The following GRID2 variants were observed in gnomAD, a reference collection of about 807,000 sequenced individuals.
The protein encoded by GRID2 is glutamate ionotropic receptor delta type subunit 2.
A neutral mutation model predicts 114.8 loss-of-function variants in GRID2; 33 were observed. The observed-to-expected ratio is 0.29, with a 90% CI of 0.22 to 0.38. The LOEUF is 0.38. Ranked by LOEUF, GRID2 falls within the 10% of genes least tolerant of loss-of-function variation. The pLI, the probability that GRID2 is intolerant of heterozygous loss-of-function variation, is 1.00. For missense variants in GRID2, 1,184 were observed against 1,257.7 expected, an observed-to-expected ratio of 0.94 and a Z score of 0.89; for synonymous variants, 505 against 449.9, an observed-to-expected ratio of 1.12 and a Z score of -1.55.
chr4:93,259,011 G>T, intron 8 of GRID2: 1 of 413,724 alleles, frequency 2.4e-6, no homozygotes, highest in South Asian at 1.8e-5. Flanking sequence ...TCAGGAAAAT[G>T]AGTCTTCACA....
At chr4:93,766,091 G>T (rs1371360) in intron 14 of GRID2, among the ~76,000 whole-genome samples, 131,082 of 152,136 alleles carry the variant, frequency 0.86, 56,534 homozygotes, top group East Asian at 0.96. Flanking sequence ...TGCTCTGTAG[G>T]AGGCAATATG....
chr4:93,576,775 A>C (rs17355116), intron 13 of GRID2, among the ~76,000 whole-genome samples: 1 of 151,838 alleles, frequency 6.6e-6, no homozygotes. Flanking sequence ...TATGCTTTCC[A>C]GAAGAAAAGG....
intron 2 of GRID2, among the ~76,000 whole-genome samples, chr4:92,824,142 G>T (rs909436517): frequency 3.3e-5 from 5 of 152,244 alleles, no homozygotes; most frequent in African/African-American, 1.2e-4. Context: ...TTAGGAGTTT[G>T]ACCTGTAGGC....
In GRID2 at chr4:92,933,085, T is replaced by C. The variant is rs979013205; in HGVS notation, c.245-151910T>C. Reference sequence around the variant, plus strand: ...ACCTCTCCATTTTATTTTATATACATTATAATTCAAATACAACTGATAAGA... The same window carrying C: ...ACCTCTCCATTTTATTTTATATACACTATAATTCAAATACAACTGATAAGA... On this transcript the variant is annotated intron_variant, in intron 2 of 15. Transcript: ENST00000282020. Among the ~76,000 whole-genome samples the C allele has an allele frequency of 4.0e-5, 6 of 150,938 alleles. No individual in the cohort carries two copies. In the South Asian group the frequency reaches 1.0e-3, roughly 26 times the overall value.
intron 13 of GRID2, among the ~76,000 whole-genome samples, chr4:93,541,887 T>G (rs1732690283): frequency 6.6e-6 from 1 of 152,164 alleles, no homozygotes; most frequent in Non-Finnish European, 1.5e-5. Context: ...CATTCTGGCC[T>G]CTCTTTGCAA....
At chr4:93,764,998 A>G (rs995948130) in intron 14 of GRID2, among the ~76,000 whole-genome samples, 4 of 152,182 alleles carry the variant, frequency 2.6e-5, no homozygotes, top group African/African-American at 7.2e-5. Flanking sequence ...ACAAGGTACA[A>G]TTCTTTAGAT....
chr4:93,607,650 A>G (rs556947090), intron 13 of GRID2, among the ~76,000 whole-genome samples: 3 of 152,272 alleles, frequency 2.0e-5, no homozygotes, highest in African/African-American at 7.2e-5. Flanking sequence ...TGTTTCCACT[A>G]GCAATATGTG....
chr4:92,686,259 G>T (rs1018411487), intron 2 of GRID2, among the ~76,000 whole-genome samples: 1 of 151,872 alleles, frequency 6.6e-6, no homozygotes, highest in Non-Finnish European at 1.5e-5. Context: ...ATCACCATGA[G>T]TATTACTTAA....
intron 9 of GRID2, among the ~76,000 whole-genome samples, chr4:93,415,865 A>C (rs938192055): frequency 6.6e-6 from 1 of 152,036 alleles, no homozygotes; most frequent in African/African-American, 2.4e-5. Context: ...TATATAAGAT[A>C]ATATAGAAGA....
intron 2 of GRID2, among the ~76,000 whole-genome samples, chr4:92,984,726 C>A (rs997818836): frequency 1.3e-5 from 2 of 151,830 alleles, no homozygotes; most frequent in Non-Finnish European, 2.9e-5. Flanking sequence ...TCTGACATTG[C>A]ACATTGTGTT....
chr4:92,740,697 TAGA>T lies in GRID2; in HGVS notation c.244+150412_244+150414del, dbSNP rs1448851336. 6.3e-3 allele frequency among the ~76,000 whole-genome samples: 631 copies of T among 99,806 alleles called. 8 individuals carry two copies. Among genetic ancestry groups the T allele is most frequent in the East Asian group, 0.039 (159 of 4,068 alleles). The allele number at this position is 99,806 out of a possible 152,430, so 65.5% of individuals were successfully genotyped here. On this transcript the variant is annotated intron_variant, in intron 2 of 15. Coordinates refer to ENST00000282020, the MANE Select transcript of GRID2 (RefSeq NM_001510.4). ...CATAGATAGATAGATAGATGATAGATAGATAGATAGATAGATAGATAGATAGAT... is the reference window on the plus strand; with the variant it reads ...CATAGATAGATAGATAGATGATAGATTAGATAGATAGATAGATAGATAGAT...
intron 6 of GRID2, chr4:93,217,338 A>G (rs1331148919): frequency 1.3e-5 from 2 of 155,296 alleles, no homozygotes; most frequent in African/African-American, 4.8e-5. Flanking sequence ...AAAAAATTAG[A>G]TATGAAAAAA....
chr4:92,535,912 G>A (rs779664812), intron 1 of GRID2, among the ~76,000 whole-genome samples: 1 of 152,118 alleles, frequency 6.6e-6, no homozygotes, highest in African/African-American at 2.4e-5. Flanking sequence ...GGCCGCATCT[G>A]GACTTGTTCT....
At chr4:92,543,777 A>G (rs1271989176) in intron 1 of GRID2, among the ~76,000 whole-genome samples, 2 of 152,186 alleles carry the variant, frequency 1.3e-5, no homozygotes, top group Non-Finnish European at 1.5e-5. Flanking sequence ...GGAAAAAATG[A>G]CAGTGTCAAA....
intron 2 of GRID2, among the ~76,000 whole-genome samples, chr4:93,048,781 A>G (rs1560826582): frequency 6.6e-6 from 1 of 152,080 alleles, no homozygotes; most frequent in Non-Finnish European, 1.5e-5. Context: ...TTAAAGGGAA[A>G]GACAGTAGTT....
At chr4:92,720,404 T>C (rs1358709832) in intron 2 of GRID2, among the ~76,000 whole-genome samples, 1 of 151,988 alleles carries the variant, frequency 6.6e-6, no homozygotes, top group Non-Finnish European at 1.5e-5. Flanking sequence ...CATTAAGAAA[T>C]TCATACTCAG....
intron 13 of GRID2, among the ~76,000 whole-genome samples, chr4:93,542,736 C>T (rs1732779266): frequency 6.6e-6 from 1 of 152,148 alleles, no homozygotes. Context: ...CCAGGGCACC[C>T]AGCCTCTGCC....
intron 9 of GRID2, among the ~76,000 whole-genome samples, chr4:93,400,432 T>A (rs1007585463): frequency 6.6e-6 from 1 of 152,112 alleles, no homozygotes; most frequent in African/African-American, 2.4e-5. Flanking sequence ...GTGGTCCAAG[T>A]GTATTACTAC....
intron 2 of GRID2, among the ~76,000 whole-genome samples, chr4:93,006,656 C>T (rs1433214183): frequency 6.6e-6 from 1 of 151,260 alleles, no homozygotes; most frequent in Non-Finnish European, 1.5e-5. Context: ...AAAAACACCC[C>T]CAATTAAATA....
Sources: allele counts gnomAD v4.1 joint callset (sites outside exome capture counted in the v4.1 genomes callset), GRCh38; gene constraint gnomAD v4.1.1; transcripts MANE v1.5; gene names NCBI Gene and HGNC (gene_info 2026-07-23, HGNC 2026-07-21).